Variants in COL4A2 observed in about 807,000 individuals in gnomAD.
COL4A2 encodes the protein collagen type IV alpha 2 chain.
COL4A2 carries 99 observed loss-of-function variants against 200.2 expected under a neutral mutation model. The ratio of observed to expected loss-of-function variants is 0.49; its 90% CI spans 0.42 to 0.58. The LOEUF is 0.58. COL4A2 is among the 20% of genes least tolerant of loss of function. The pLI, the probability that COL4A2 is intolerant of heterozygous loss-of-function variation, is 0.00. For synonymous variants in COL4A2, 897 were observed against 900.6 expected (o/e 1.00, Z 0.07); for missense variants, 1,950 against 2,314.1 (o/e 0.84, Z 3.23).
At chr13:110,469,435 A>T in intron 28 of COL4A2, 111 bp downstream of exon 28, 1 of 1,123,794 alleles carries the variant, frequency 8.9e-7, no homozygotes, top group Non-Finnish European at 1.3e-6. Flanking sequence ...TGTTTTAACA[A>T]ATACTTGACA....
At chr13:110,439,913 C>T in intron 16 of COL4A2, 80 bp downstream of exon 16, 1 of 1,538,060 alleles carries the variant, frequency 6.5e-7, no homozygotes, top group Non-Finnish European at 8.7e-7. Flanking sequence ...CTTGGCATCT[C>T]AGGAAAGAAA....
intron 20 of COL4A2, among the ~76,000 whole-genome samples, chr13:110,453,303 A>G (rs1594224544): frequency 6.6e-6 from 1 of 152,020 alleles, no homozygotes; most frequent in African/African-American, 2.4e-5. Flanking sequence ...GGAGTTCGAG[A>G]CCAGCCTGAC....
chr13:110,353,209 G>A (rs1877038637), intron 3 of COL4A2, among the ~76,000 whole-genome samples: 1 of 152,178 alleles, frequency 6.6e-6, no homozygotes, highest in African/African-American at 2.4e-5. Context: ...AGACCTTATA[G>A]GGAAAAACAG....
chr13:110,395,384 T>C (rs961127934), intron 4 of COL4A2, among the ~76,000 whole-genome samples: 1 of 152,182 alleles, frequency 6.6e-6, no homozygotes, highest in African/African-American at 2.4e-5. Flanking sequence ...AGATACTATA[T>C]GAAGGCACAT....
chr13:110,388,671 G>A (rs1050134316), intron 4 of COL4A2, among the ~76,000 whole-genome samples: 7 of 152,198 alleles, frequency 4.6e-5, no homozygotes, highest in African/African-American at 1.7e-4. Context: ...ATATACGAGG[G>A]TTTGATTAGC....
intron 20 of COL4A2, among the ~76,000 whole-genome samples, chr13:110,452,541 T>C (rs1465228987): frequency 6.6e-6 from 1 of 152,212 alleles, no homozygotes; most frequent in East Asian, 1.9e-4. Context: ...TTAGAGTTAT[T>C]AGAGGCAATG....
Position 110,357,460 on chromosome 13 carries a change from T to G in COL4A2, c.100-12T>G. 3.8e-6 allele frequency: 6 copies of G among 1,579,992 alleles called. No individual in the cohort carries two copies. The South Asian group carries it at 6.9e-5, about 18-fold the overall frequency. ...AGGTAACTTTTCTTTGCCTTGTGTT[T>G]TATTGTTGCAGGGTGTGAAGAAGTT... On this transcript the variant is annotated splice_polypyrimidine_tract_variant and intron_variant, in intron 3 of 47. Transcript: ENST00000360467.
chr13:110,340,780 C>T (rs146399544), intron 3 of COL4A2, among the ~76,000 whole-genome samples: 6 of 152,268 alleles, frequency 3.9e-5, no homozygotes, highest in African/African-American at 1.4e-4. Context: ...GAGAGCAAAC[C>T]CCAGCTTCTC....
At chr13:110,453,369 T>C (rs1489834435) in intron 20 of COL4A2, among the ~76,000 whole-genome samples, 1 of 151,934 alleles carries the variant, frequency 6.6e-6, no homozygotes, top group Non-Finnish European at 1.5e-5. Flanking sequence ...AGTGCGGTGG[T>C]GCATGCCTGT....
intron 4 of COL4A2, among the ~76,000 whole-genome samples, chr13:110,409,913 C>A (rs913397): frequency 0.66 from 100,637 of 151,744 alleles, 35,214 homozygotes; most frequent in East Asian, 0.9. Context: ...CAGACAATAA[C>A]CCCGGCGTGG....
intron 3 of COL4A2, among the ~76,000 whole-genome samples, chr13:110,332,262 A>G (rs9521699): frequency 0.79 from 120,602 of 152,182 alleles, 48,374 homozygotes; most frequent in East Asian, 0.94. Context: ...ATGCATATTG[A>G]AACCTACATA....
chr13:110,386,105 A>G (rs1878738124), intron 4 of COL4A2, among the ~76,000 whole-genome samples: 1 of 151,308 alleles, frequency 6.6e-6, no homozygotes, highest in African/African-American at 2.4e-5. Context: ...TGGTTACAGC[A>G]TGTGGATAGG....
chr13:110,476,007 G>A (rs1478632350), intron 29 of COL4A2, among the ~76,000 whole-genome samples: 3 of 152,216 alleles, frequency 2.0e-5, no homozygotes, highest in East Asian at 1.9e-4. Context: ...CCCGGAGACC[G>A]TGCTGTCCAC....
At chr13:110,310,354 C>G (rs1228714794) in intron 3 of COL4A2, among the ~76,000 whole-genome samples, 1 of 152,206 alleles carries the variant, frequency 6.6e-6, no homozygotes, top group East Asian at 1.9e-4. Context: ...GACTCCGCCT[C>G]CCCACATGAT....
intron 26 of COL4A2, among the ~76,000 whole-genome samples, 157 bp downstream of exon 26, chr13:110,466,219 T>C (rs1882234604): frequency 6.6e-6 from 1 of 152,222 alleles, no homozygotes; most frequent in African/African-American, 2.4e-5. Flanking sequence ...GTGAGCACTA[T>C]ACATTGCATG....
chr13:110,429,344 A>T (rs956150725), intron 7 of COL4A2: 2 of 153,164 alleles, frequency 1.3e-5, no homozygotes, highest in Non-Finnish European at 2.9e-5. Context: ...TCTACTCTAT[A>T]TATCATCAAT....
At chr13:110,506,053 C>T (rs1031594247) in intron 45 of COL4A2, among the ~76,000 whole-genome samples, 1 of 152,142 alleles carries the variant, frequency 6.6e-6, no homozygotes, top group Non-Finnish European at 1.5e-5. Flanking sequence ...GGAAGGAGAG[C>T]GATGGTTCTA....
At chr13:110,316,804 G>A (rs1271130578) in intron 3 of COL4A2, among the ~76,000 whole-genome samples, 2 of 152,226 alleles carry the variant, frequency 1.3e-5, no homozygotes, top group Middle Eastern at 3.4e-3. Flanking sequence ...TAAAACCTCT[G>A]CTCTTAACCA....
chr13:110,310,878 C>T (rs1884962194), intron 3 of COL4A2, among the ~76,000 whole-genome samples: 1 of 152,192 alleles, frequency 6.6e-6, no homozygotes, highest in Non-Finnish European at 1.5e-5. Context: ...TTATTACCCC[C>T]ATTTTACAGG....
Sources: gnomAD v4.1 joint callset for allele counts (sites outside exome capture counted in the v4.1 genomes callset) on GRCh38, gnomAD v4.1.1 for gene constraint, MANE v1.5 for transcripts, NCBI Gene and HGNC (gene_info 2026-07-23, HGNC 2026-07-21) for gene names.